LRP11: variants seen among roughly 807,000 people sequenced by gnomAD.
LRP11 encodes LDL receptor related protein 11, also known as low-density lipoprotein receptor-related protein 11.
LRP11 carries 25 observed loss-of-function variants against 43.1 expected under a neutral mutation model. The ratio of observed to expected loss-of-function variants is 0.58; its 90% CI spans 0.42 to 0.81. LRP11 has a LOEUF of 0.81. Ranked by LOEUF, LRP11 falls within the 30% of genes least tolerant of loss-of-function variation. LRP11 has a pLI of 0.00. For missense variants in LRP11, 623 were observed against 665.1 expected (o/e 0.94, Z 0.70); for synonymous variants, 316 against 299.4 (o/e 1.06, Z -0.57).
chr6:149,840,830 G>A (rs1197585817), intron 3 of LRP11, among the ~76,000 whole-genome samples: 2 of 152,190 alleles, frequency 1.3e-5, no homozygotes, highest in Non-Finnish European at 2.9e-5. Flanking sequence ...TGGTCCTGGT[G>A]GCCAAGGGAC....
At chr6:149,821,651 A>G (rs540432419) in intron 6 of LRP11, among the ~76,000 whole-genome samples, 1 of 152,298 alleles carries the variant, frequency 6.6e-6, no homozygotes, top group South Asian at 2.1e-4. Context: ...GGGTGTGCCA[A>G]TATCAGTCTT....
rs1418511030 is a variant in LRP11, at chr6:149,827,113, C to T, written c.1253-754G>A. 1.3e-5 allele frequency among the ~76,000 whole-genome samples: 2 copies of T among 151,770 alleles called. No individual in the cohort carries two copies. The highest frequency in any genetic ancestry group is 1.9e-4 in the East Asian group (1 of 5,150). ...TCCCGAGTAGCTGGGATTACAGGTGCGTGCCACCATGCCTCGCTAATTTTT... is the reference window on the plus strand; with the variant it reads ...TCCCGAGTAGCTGGGATTACAGGTGTGTGCCACCATGCCTCGCTAATTTTT... On this transcript the variant is annotated intron_variant, in intron 5 of 6. Transcript: ENST00000239367. This position sits in a 1 kb window ranked among gnomAD's most constrained non-coding sequence, Gnocchi z 4.2.
At chr6:149,825,724 T>A (rs1776330336) in intron 6 of LRP11, among the ~76,000 whole-genome samples, 1 of 151,858 alleles carries the variant, frequency 6.6e-6, no homozygotes, top group African/African-American at 2.4e-5. Flanking sequence ...GGCACAATCT[T>A]ATCTCACTGC....
chr6:149,855,711 T>A (rs532523896), intron 1 of LRP11, among the ~76,000 whole-genome samples: 181 of 138,998 alleles, frequency 1.3e-3, no homozygotes, highest in Non-Finnish European at 1.7e-3. Flanking sequence ...TTTTTTTTTT[T>A]TAAAAAAAAA....
At chr6:149,830,836 T>A (rs1776399898) in intron 5 of LRP11, among the ~76,000 whole-genome samples, 1 of 152,208 alleles carries the variant, frequency 6.6e-6, no homozygotes, top group Non-Finnish European at 1.5e-5. Flanking sequence ...GAAGGCGCAG[T>A]TGCCCCAGAC....
At chr6:149,853,992 T>A (rs1356136856) in intron 1 of LRP11, among the ~76,000 whole-genome samples, 1 of 152,242 alleles carries the variant, frequency 6.6e-6, no homozygotes, top group African/African-American at 2.4e-5. Flanking sequence ...AAAGCCTGCA[T>A]GTAAATTCTC....
At chr6:149,858,279 T>C (rs920762231) in intron 1 of LRP11, among the ~76,000 whole-genome samples, 21 of 152,204 alleles carry the variant, frequency 1.4e-4, no homozygotes, top group Admixed American at 1.3e-3. Flanking sequence ...CTCCCACTTA[T>C]GAGTGAGAAT....
chr6:149,853,937 A>G (rs898871875), intron 1 of LRP11, among the ~76,000 whole-genome samples: 2 of 152,216 alleles, frequency 1.3e-5, no homozygotes, highest in African/African-American at 4.8e-5. Flanking sequence ...TGGGAAATAT[A>G]TTAAGTTTGA....
At position 149,853,172 on chromosome 6, in the gene LRP11, A is replaced by G. The variant is rs774476272; in HGVS notation, c.614-12T>C. 6.4e-7 allele frequency: 1 copy of G among 1,550,416 alleles called. No homozygotes were observed. Among genetic ancestry groups the G allele is most frequent in the South Asian group, 1.2e-5 (1 of 82,112 alleles). ...AGGCGCATCCTTTTCTGAGAAAGAA[A>G]ATAAATAATTCATAAAAGATGATTT... On this transcript the variant is annotated splice_polypyrimidine_tract_variant and intron_variant, in intron 1 of 6. Coordinates refer to ENST00000239367, the MANE Select transcript of LRP11 (RefSeq NM_032832.6).
At chr6:149,862,196 G>C (rs1583101177) in intron 1 of LRP11, among the ~76,000 whole-genome samples, 1 of 152,302 alleles carries the variant, frequency 6.6e-6, no homozygotes, top group East Asian at 1.9e-4. Flanking sequence ...AGGATTCTGA[G>C]CCTCATCTAA....
rs547947276 is a variant in LRP11, at chr6:149,853,315, G to A, written c.614-155C>T. 214 of 666,772 alleles carry A rather than the reference G, an allele frequency of 3.2e-4. 2 individuals carry two copies. The East Asian group carries it at 4.0e-3, about 13-fold the overall frequency. The allele number at this position is 666,772 out of a possible 1,614,324, so 41.3% of individuals were successfully genotyped here. On this transcript the variant is annotated intron_variant, in intron 1 of 6. Coordinates refer to ENST00000239367, the MANE Select transcript of LRP11 (RefSeq NM_032832.6). The stretch of plus-strand genomic sequence containing the variant: ...TTATTTTTCTATTTATTTTATGATC[G>A]TGGAATTTAGCTATAATATGCGCAG...
chr6:149,861,661 G>C (rs1776899612), intron 1 of LRP11, among the ~76,000 whole-genome samples: 3 of 152,166 alleles, frequency 2.0e-5, no homozygotes, highest in Admixed American at 2.0e-4. Context: ...TCATAGACAG[G>C]CGCCACCATG....
chr6:149,827,390 A>C lies in LRP11; in HGVS notation c.1253-1031T>G, dbSNP rs1404092388. Reference sequence around the variant, plus strand: ...TAAATGTTCCTAATTCCTGCAAATGAAATAAGACTATTTAAAGGTAGTATA... The same window carrying C: ...TAAATGTTCCTAATTCCTGCAAATGCAATAAGACTATTTAAAGGTAGTATA... On this transcript the variant is annotated intron_variant, in intron 5 of 6. Coordinates refer to ENST00000239367, the MANE Select transcript of LRP11 (RefSeq NM_032832.6). This position sits in a 1 kb window ranked among gnomAD's most constrained non-coding sequence, Gnocchi z 4.2. Among the ~76,000 whole-genome samples, 1 of 152,256 alleles carries C rather than the reference A, an allele frequency of 6.6e-6. No homozygotes were observed. The highest frequency in any genetic ancestry group is 1.5e-5 in the Non-Finnish European group (1 of 68,040).
In LRP11 at chr6:149,864,043, G is replaced by A. The variant is rs899760383; in HGVS notation, c.-23C>T. On this transcript the variant is annotated 5_prime_UTR_variant, in exon 1 of 7. Transcript: ENST00000239367. ...CATGGCGACGAGAGCCAAGGGCAGCGAGCCGAGGCGGGGCTGAGCGCGGGA... is the reference window on the plus strand; with the variant it reads ...CATGGCGACGAGAGCCAAGGGCAGCAAGCCGAGGCGGGGCTGAGCGCGGGA... 1 of 1,307,786 alleles carries A rather than the reference G, an allele frequency of 7.6e-7. No homozygotes were observed. Among genetic ancestry groups the A allele is most frequent in the Non-Finnish European group, 9.7e-7 (1 of 1,034,510 alleles). 81.0% of individuals were successfully genotyped at this position (1,307,786 alleles called of 1,614,324 possible).
At position 149,829,559 on chromosome 6, in the gene LRP11, T is replaced by TA. The variant is rs947219472; in HGVS notation, c.1253-3201dup. Reference sequence around the variant, plus strand: ...CTGGGTAAGAGAACGAGACTCCATCTAAAAAAATAAATAAAATAAAATAAA... The same window carrying TA: ...CTGGGTAAGAGAACGAGACTCCATCTAAAAAAAATAAATAAAATAAAATAAA... On this transcript the variant is annotated intron_variant, in intron 5 of 6. Transcript: ENST00000239367. Among the ~76,000 whole-genome samples, 7 of 150,866 alleles carry TA rather than the reference T, an allele frequency of 4.6e-5. No individual in the cohort carries two copies. The South Asian group carries it at 6.3e-4, about 14-fold the overall frequency.
At chr6:149,844,446 C>T (rs993589763) in intron 2 of LRP11, among the ~76,000 whole-genome samples, 4 of 152,204 alleles carry the variant, frequency 2.6e-5, no homozygotes, top group Admixed American at 2.6e-4. Context: ...TTGCCCTCTG[C>T]TCTCCCAACA....
intron 1 of LRP11, among the ~76,000 whole-genome samples, chr6:149,862,732 A>G (rs1776938034): frequency 6.6e-6 from 1 of 151,986 alleles, no homozygotes; most frequent in South Asian, 2.1e-4. Flanking sequence ...GGCGCATGCC[A>G]CCAGCTCTGG....
At chr6:149,835,827 G>A (rs973968415) in intron 5 of LRP11, among the ~76,000 whole-genome samples, 1 of 152,102 alleles carries the variant, frequency 6.6e-6, no homozygotes, top group Non-Finnish European at 1.5e-5. Context: ...ATTGGTTTAC[G>A]TAAGCTAAGT....
intron 1 of LRP11, among the ~76,000 whole-genome samples, chr6:149,857,269 T>C (rs1320509093): frequency 6.6e-6 from 1 of 152,116 alleles, no homozygotes; most frequent in Non-Finnish European, 1.5e-5. Flanking sequence ...TGGTGATTCA[T>C]GCTTGTAATC....
Sources: gnomAD v4.1 joint callset for allele counts (sites outside exome capture counted in the v4.1 genomes callset) on GRCh38, gnomAD v4.1.1 for gene constraint, Gnocchi (gnomAD v3.1) non-coding constraint, MANE v1.5 for transcripts, NCBI Gene and HGNC (gene_info 2026-07-23, HGNC 2026-07-21) for gene names.